IQCJ: variants seen among roughly 807,000 people sequenced by gnomAD.
IQCJ encodes IQ motif containing J.
A neutral mutation model predicts 11.0 loss-of-function variants in IQCJ; 9 were observed. That is an observed-to-expected ratio of 0.82 (90% confidence interval 0.49 to 1.43). The LOEUF (loss-of-function observed/expected upper bound fraction) is 1.43. Among genes scored for constraint, IQCJ ranks in the 40% most tolerant of loss-of-function variants. IQCJ has a pLI of 0.00. For synonymous variants in IQCJ, 55 were observed against 51.3 expected (o/e 1.07, Z -0.31); for missense variants, 146 against 133.2 (o/e 1.10, Z -0.47).
At chr3:159,188,853 C>A (rs1248545322) in intron 1 of IQCJ, among the ~76,000 whole-genome samples, 1 of 152,072 alleles carries the variant, frequency 6.6e-6, no homozygotes, top group Non-Finnish European at 1.5e-5. Flanking sequence ...ATAATAAAAG[C>A]TGACTTTTGT....
intron 1 of IQCJ, among the ~76,000 whole-genome samples, chr3:159,086,266 A>G (rs868283708): frequency 5.3e-5 from 8 of 152,108 alleles, no homozygotes; most frequent in Non-Finnish European, 5.9e-5. Flanking sequence ...GTTCTGTTCC[A>G]TTGATCTATA....
At chr3:159,243,675 G>A (rs1244434223) in intron 1 of IQCJ, among the ~76,000 whole-genome samples, 2 of 152,110 alleles carry the variant, frequency 1.3e-5, no homozygotes, top group African/African-American at 4.8e-5. Context: ...TATTGTTTCG[G>A]CTGTGACTCT....
chr3:159,149,065 A>G (rs1721062960), intron 1 of IQCJ, among the ~76,000 whole-genome samples: 1 of 152,246 alleles, frequency 6.6e-6, no homozygotes, highest in East Asian at 1.9e-4. Context: ...AAATAATTAA[A>G]ATAAACAAAT....
intron 1 of IQCJ, among the ~76,000 whole-genome samples, chr3:159,241,411 A>G (rs1380265672): frequency 6.6e-6 from 1 of 151,860 alleles, no homozygotes; most frequent in Non-Finnish European, 1.5e-5. Flanking sequence ...TCTGTCTCAA[A>G]AAATAAAAAT....
chr3:159,246,131 G>A lies in IQCJ; in HGVS notation c.74+224G>A, dbSNP rs143517531. 4.1e-3 allele frequency among the ~76,000 whole-genome samples: 627 copies of A among 152,302 alleles called. 1 individual carries two copies. Among genetic ancestry groups the A allele is most frequent in the Non-Finnish European group, 7.0e-3 (473 of 68,028 alleles). On this transcript the variant is annotated intron_variant, in intron 2 of 3. Coordinates refer to ENST00000397832, the MANE Select transcript of IQCJ (RefSeq NM_001042706.3). The stretch of plus-strand genomic sequence containing the variant: ...GCTTAACAGAGTAATATGATGCCTG[G>A]AAGATGTTTCTGGTGGTATGTCTGA...
chr3:159,148,355 A>C (rs1008801737), intron 1 of IQCJ, among the ~76,000 whole-genome samples: 1 of 152,178 alleles, frequency 6.6e-6, no homozygotes, highest in Admixed American at 6.6e-5. Context: ...TCTTATGTGA[A>C]CTATTTTGAA....
intron 1 of IQCJ, among the ~76,000 whole-genome samples, chr3:159,095,422 G>C (rs1717666254): frequency 6.8e-6 from 1 of 147,210 alleles, no homozygotes; most frequent in Non-Finnish European, 1.5e-5. Flanking sequence ...GTGCAGGTTA[G>C]TTACATATGT....
intron 1 of IQCJ, among the ~76,000 whole-genome samples, chr3:159,087,119 T>C (rs2108070921): frequency 6.6e-6 from 1 of 152,330 alleles, no homozygotes; most frequent in African/African-American, 2.4e-5. Flanking sequence ...TGAGAGTTTT[T>C]AGCATGAAGG....
intron 1 of IQCJ, among the ~76,000 whole-genome samples, chr3:159,214,217 T>C (rs966286248): frequency 5.9e-5 from 9 of 152,156 alleles, no homozygotes; most frequent in African/African-American, 2.2e-4. Flanking sequence ...CCTCCTTCCA[T>C]TCTTATAAAT....
Position 159,119,820 on chromosome 3 carries a change from G to A in IQCJ, c.9+50379G>A, listed in dbSNP as rs149029028. 9.8e-3 allele frequency among the ~76,000 whole-genome samples: 1,498 copies of A among 152,278 alleles called. 15 individuals carry two copies. Among genetic ancestry groups the A allele is most frequent in the Non-Finnish European group, 0.016 (1,062 of 68,022 alleles). On this transcript the variant is annotated intron_variant, in intron 1 of 3. Coordinates refer to ENST00000397832, the MANE Select transcript of IQCJ (RefSeq NM_001042706.3). ...TCCGTATGGGTTGGGGAAGAGATGAGTGGGGCTTTGGGCTTCCCCACCTTC... is the reference window on the plus strand; with the variant it reads ...TCCGTATGGGTTGGGGAAGAGATGAATGGGGCTTTGGGCTTCCCCACCTTC...
intron 1 of IQCJ, among the ~76,000 whole-genome samples, chr3:159,145,175 A>G (rs1720853620): frequency 6.6e-6 from 1 of 152,210 alleles, no homozygotes; most frequent in South Asian, 2.1e-4. Context: ...AGAAAATAGT[A>G]GCTGAATTGA....
chr3:159,252,185 G>A (rs773995633), intron 2 of IQCJ, among the ~76,000 whole-genome samples: 13 of 152,096 alleles, frequency 8.5e-5, no homozygotes, highest in East Asian at 1.9e-4. Context: ...CTTCTTGATC[G>A]TTGTAGCACT....
chr3:159,181,860 A>G (rs1280499503), intron 1 of IQCJ, among the ~76,000 whole-genome samples: 1 of 151,582 alleles, frequency 6.6e-6, no homozygotes, highest in Non-Finnish European at 1.5e-5. Context: ...GATGTTCCTT[A>G]CTTGTGCTTG....
chr3:159,216,130 C>T (rs1485745439), intron 1 of IQCJ, among the ~76,000 whole-genome samples: 1 of 150,512 alleles, frequency 6.6e-6, no homozygotes, highest in Non-Finnish European at 1.5e-5. Flanking sequence ...AGAATTGAGG[C>T]TCTTATGCTC....
intron 1 of IQCJ, among the ~76,000 whole-genome samples, chr3:159,105,601 T>C (rs75677787): frequency 0.081 from 12,389 of 152,108 alleles, 909 homozygotes; most frequent in East Asian, 0.41. Context: ...ATATTTAGAC[T>C]GTTTGGTCAG....
At chr3:159,199,276 A>AAT (rs1724174826) in intron 1 of IQCJ, among the ~76,000 whole-genome samples, 1 of 152,202 alleles carries the variant, frequency 6.6e-6, no homozygotes, top group South Asian at 2.1e-4. Context: ...GGAGTCAGAG[A>AAT]AGATGTAATG....
intron 1 of IQCJ, among the ~76,000 whole-genome samples, chr3:159,155,135 A>G (rs532411606): frequency 6.6e-6 from 1 of 152,060 alleles, no homozygotes; most frequent in South Asian, 2.1e-4. Flanking sequence ...GCCGATCTTT[A>G]GTGAAGGGCA....
intron 1 of IQCJ, among the ~76,000 whole-genome samples, chr3:159,107,882 G>T (rs1343426375): frequency 2.0e-5 from 3 of 151,676 alleles, no homozygotes; most frequent in Non-Finnish European, 2.9e-5. Flanking sequence ...GAGCATTGGG[G>T]ACAGACAGGC....
chr3:159,202,071 G>T (rs2108068935), intron 1 of IQCJ, among the ~76,000 whole-genome samples: 1 of 152,252 alleles, frequency 6.6e-6, no homozygotes, highest in Admixed American at 6.5e-5. Context: ...TATTGGTTGA[G>T]TCCAATTGAC....
Sources: allele counts gnomAD v4.1 joint callset (sites outside exome capture counted in the v4.1 genomes callset), GRCh38; gene constraint gnomAD v4.1.1; transcripts MANE v1.5; gene names NCBI Gene and HGNC (gene_info 2026-07-23, HGNC 2026-07-21).